CAPN2: variants seen among roughly 807,000 people sequenced by gnomAD.
The protein encoded by CAPN2 is calpain 2.
A neutral mutation model predicts 102.3 loss-of-function variants in CAPN2; 92 were observed. The observed-to-expected ratio is 0.90, with a 90% CI of 0.76 to 1.07. The LOEUF (loss-of-function observed/expected upper bound fraction) is 1.07. Ranked by LOEUF, CAPN2 falls within the 50% of genes least tolerant of loss-of-function variation. CAPN2 has a pLI of 0.00. For synonymous variants in CAPN2, 340 were observed against 355.4 expected, an observed-to-expected ratio of 0.96 and a Z score of 0.49; for missense variants, 800 against 909.4, an observed-to-expected ratio of 0.88 and a Z score of 1.55.
intron 8 of CAPN2, 103 bp downstream of exon 8, chr1:223,752,174 T>C (rs1660919658): frequency 1.3e-6 from 1 of 791,064 alleles, no homozygotes; most frequent in South Asian, 1.6e-5. Flanking sequence ...GTTTACCATG[T>C]CGAGGACACA....
chr1:223,763,832 T>C (rs1661245944), intron 14 of CAPN2, among the ~76,000 whole-genome samples: 1 of 152,170 alleles, frequency 6.6e-6, no homozygotes, highest in Non-Finnish European at 1.5e-5. Context: ...CCCAGCACTT[T>C]GGGAGGCTGA....
At chr1:223,761,559 C>G (rs775398569) in intron 12 of CAPN2, 22 bp from the exon 13 acceptor site, 12 of 1,608,926 alleles carry the variant, frequency 7.5e-6, no homozygotes, top group Non-Finnish European at 1.0e-5. Flanking sequence ...TCCAGTAACA[C>G]ATAATTTCCT....
rs540474708 is a variant in CAPN2, at chr1:223,756,298, T to C, written c.1305+649T>C. On this transcript the variant is annotated intron_variant, in intron 10 of 20. Coordinates refer to ENST00000295006, the MANE Select transcript of CAPN2 (RefSeq NM_001748.5). The surrounding 1 kb of genome is among the most constrained non-coding windows in gnomAD (Gnocchi z 4.1). ...GGCCCCTGGGCTCTCCCCACTCCCT[T>C]CTGCAAAACAAGAAAGAGCTTTCGT... 6.6e-6 allele frequency among the ~76,000 whole-genome samples: 1 copy of C among 152,314 alleles called. No homozygotes were observed. The highest frequency in any genetic ancestry group is 2.1e-4 in the South Asian group (1 of 4,830).
intron 17 of CAPN2, 50 bp downstream of exon 17, chr1:223,769,959 A>G (rs1438546037): frequency 2.1e-6 from 3 of 1,405,354 alleles, no homozygotes; most frequent in Non-Finnish European, 3.0e-6. Context: ...CATTCTGTTC[A>G]TATGCTTTAA....
At chr1:223,744,759 G>T (rs1660710701) in intron 3 of CAPN2, among the ~76,000 whole-genome samples, 1 of 152,088 alleles carries the variant, frequency 6.6e-6, no homozygotes, top group African/African-American at 2.4e-5. Flanking sequence ...TACTTGGGAG[G>T]CTGAGGCAGG....
In CAPN2 at chr1:223,726,920, G is replaced by T. The variant is rs1039622009; in HGVS notation, c.307+9089G>T. Among the ~76,000 whole-genome samples the T allele has an allele frequency of 2.0e-5, 3 of 152,184 alleles. No homozygotes were observed. The highest frequency in any genetic ancestry group is 6.5e-5 in the Admixed American group (1 of 15,280). ...TACCCTCTCGCAGGCCTAGCACGCT[G>T]GCGGGGTGTGCATTTCCTCTAGAGA... On this transcript the variant is annotated intron_variant, in intron 2 of 20. Coordinates refer to ENST00000295006, the MANE Select transcript of CAPN2 (RefSeq NM_001748.5). The surrounding 1 kb of genome is among the most constrained non-coding windows in gnomAD (Gnocchi z 4.4).
chr1:223,749,506 C>T (rs1660834155), intron 6 of CAPN2: 1 of 222,040 alleles, frequency 4.5e-6, no homozygotes, highest in Admixed American at 5.1e-5. Flanking sequence ...TGCCCATGTT[C>T]AAATCTGACT....
chr1:223,712,959 G>A (rs1054888866), intron 1 of CAPN2, 82 bp downstream of exon 1: 127 of 1,045,236 alleles, frequency 1.2e-4, no homozygotes, highest in Non-Finnish European at 1.5e-4. Flanking sequence ...GCGCTGGGGC[G>A]GGGGGCAGCC....
intron 2 of CAPN2, among the ~76,000 whole-genome samples, chr1:223,733,703 A>C (rs1348791478): frequency 1.3e-5 from 2 of 152,234 alleles, no homozygotes; most frequent in African/African-American, 4.8e-5. Flanking sequence ...ATTCAAAAAC[A>C]CAAATCAAAC....
At chr1:223,702,679 G>A (rs1287500581) in intron 1 of CAPN2, among the ~76,000 whole-genome samples, 1 of 152,154 alleles carries the variant, frequency 6.6e-6, no homozygotes, top group Non-Finnish European at 1.5e-5. Context: ...AGAGAGAGAA[G>A]CAGCCCGGCC....
chr1:223,758,237 G>A (rs1221431879), intron 11 of CAPN2: 4 of 152,294 alleles, frequency 2.6e-5, no homozygotes, highest in African/African-American at 4.8e-5. Flanking sequence ...TAAATTTTGC[G>A]AGAGCATTTG....
chr1:223,741,902 A>G (rs1660627381), intron 2 of CAPN2, among the ~76,000 whole-genome samples: 1 of 152,082 alleles, frequency 6.6e-6, no homozygotes, highest in Non-Finnish European at 1.5e-5. Context: ...TCAGCCTCCC[A>G]AGTAGCTGGG....
intron 2 of CAPN2, among the ~76,000 whole-genome samples, chr1:223,720,316 T>TCTCTC (rs1553253030): frequency 1.8e-4 from 1 of 5,432 alleles, no homozygotes; most frequent in African/African-American, 2.9e-4. Context: ...TCTTTCTCTC[T>TCTCTC]TTTTTTTTTT....
chr1:223,749,186 T>C lies in CAPN2; in HGVS notation c.813+64T>C, dbSNP rs1660825890. ...TGACACGATGGCCACAGGCACAGTT[T>C]GTGGTGATGCCCAGGGGCCCGCGCG... On this transcript the variant is annotated intron_variant, in intron 6 of 20. Coordinates refer to ENST00000295006, the MANE Select transcript of CAPN2 (RefSeq NM_001748.5). 9 of 1,435,318 alleles carry C rather than the reference T, an allele frequency of 6.3e-6. No individual in the cohort carries two copies. In the South Asian group the frequency reaches 9.2e-5, roughly 15 times the overall value. The allele number at this position is 1,435,318 out of a possible 1,614,324, so 88.9% of individuals were successfully genotyped here.
chr1:223,732,006 A>G (rs190454354), intron 2 of CAPN2, among the ~76,000 whole-genome samples: 2 of 152,310 alleles, frequency 1.3e-5, no homozygotes, highest in Admixed American at 6.5e-5. Context: ...GAGAAAGAGA[A>G]GGAGGGGGCT....
chr1:223,755,329 C>T lies in CAPN2; in HGVS notation c.1136-151C>T, dbSNP rs1661005112. ...CCATACTCTGCCATCTCCCACCATC[C>T]CCCACCACCTCTTACCATCTCCCAC... On this transcript the variant is annotated intron_variant, in intron 9 of 20. Coordinates refer to ENST00000295006, the MANE Select transcript of CAPN2 (RefSeq NM_001748.5). This position sits in a 1 kb window ranked among gnomAD's most constrained non-coding sequence, Gnocchi z 4.1. 4.3e-6 allele frequency: 3 copies of T among 690,544 alleles called. No individual in the cohort carries two copies. The highest frequency in any genetic ancestry group is 7.4e-6 in the Non-Finnish European group (3 of 407,870). The allele number at this position is 690,544 out of a possible 1,614,324, so 42.8% of individuals were successfully genotyped here. A position where few individuals can be genotyped will look rare whatever the true frequency, so the allele number is the denominator to read the frequency against.
rs1297674875 is a variant in CAPN2, at chr1:223,752,970, C to G, written c.1135+14C>G. 2 of 1,613,084 alleles carry G rather than the reference C, an allele frequency of 1.2e-6. No homozygotes were observed. The highest frequency in any genetic ancestry group is 1.7e-6 in the Non-Finnish European group (2 of 1,179,442). On this transcript the variant is annotated intron_variant, in intron 9 of 20. Transcript: ENST00000295006. ...GGAACTACCCGAGTAAGGGCTGTTG[C>G]ATATAAGGGCTGTTGCAATGCGGGG...
intron 11 of CAPN2, chr1:223,758,366 G>A (rs1661091416): frequency 2.0e-5 from 3 of 152,230 alleles, no homozygotes; most frequent in African/African-American, 7.2e-5. Context: ...CAGCAAGGCA[G>A]TGCAACCGGT....
At chr1:223,721,767 C>T (rs2102778023) in intron 2 of CAPN2, among the ~76,000 whole-genome samples, 1 of 152,328 alleles carries the variant, frequency 6.6e-6, no homozygotes, top group East Asian at 1.9e-4. Flanking sequence ...CCTTCTACCA[C>T]TCATTAGCCA....
Sources: gnomAD v4.1 joint callset for allele counts (sites outside exome capture counted in the v4.1 genomes callset) on GRCh38, gnomAD v4.1.1 for gene constraint, Gnocchi (gnomAD v3.1) non-coding constraint, MANE v1.5 for transcripts, NCBI Gene and HGNC (gene_info 2026-07-23, HGNC 2026-07-21) for gene names.